Variants in PODXL2 observed in about 807,000 individuals in gnomAD.
PODXL2 encodes the protein podocalyxin-like protein 2.
Under a neutral mutation model 53.4 loss-of-function variants are expected in PODXL2, and 17 were observed. That is an observed-to-expected ratio of 0.32 (90% CI 0.22 to 0.48). The LOEUF (loss-of-function observed/expected upper bound fraction) is 0.48. Among genes scored for constraint, PODXL2 ranks in the 20% least tolerant of loss-of-function variants. The pLI is 0.99. For missense variants in PODXL2, 673 were observed against 760.0 expected, an observed-to-expected ratio of 0.89 and a Z score of 1.35; for synonymous variants, 311 against 306.7, an observed-to-expected ratio of 1.01 and a Z score of -0.15.
intron 2 of PODXL2, among the ~76,000 whole-genome samples, chr3:127,659,839 G>T (rs1318311375): frequency 6.6e-6 from 1 of 152,082 alleles, no homozygotes; most frequent in Non-Finnish European, 1.5e-5. Context: ...TTCATTTCCT[G>T]TCAGGGCCTA....
At chr3:127,630,398 T>G (rs370607134) in intron 1 of PODXL2, among the ~76,000 whole-genome samples, 1 of 152,174 alleles carries the variant, frequency 6.6e-6, no homozygotes, top group Non-Finnish European at 1.5e-5. Flanking sequence ...CAAAATAGCG[T>G]CCTAGTATGA....
chr3:127,656,222 A>T (rs894518552), intron 2 of PODXL2, among the ~76,000 whole-genome samples: 2 of 152,252 alleles, frequency 1.3e-5, no homozygotes, highest in Non-Finnish European at 2.9e-5. Flanking sequence ...TCAGAACTAT[A>T]TCCAAAGCTT....
At chr3:127,640,908 T>C (rs1431666639) in intron 2 of PODXL2, among the ~76,000 whole-genome samples, 1 of 152,144 alleles carries the variant, frequency 6.6e-6, no homozygotes, top group Non-Finnish European at 1.5e-5. Context: ...TTTTTAAACA[T>C]GTTATTATTT....
intron 2 of PODXL2, among the ~76,000 whole-genome samples, chr3:127,644,120 T>G (rs1273278791): frequency 6.6e-6 from 1 of 152,140 alleles, no homozygotes; most frequent in Non-Finnish European, 1.5e-5. Flanking sequence ...TTTGTTGCTG[T>G]TGTTGTTTTG....
intron 1 of PODXL2, among the ~76,000 whole-genome samples, chr3:127,637,449 G>C (rs1487809588): frequency 6.6e-6 from 1 of 152,152 alleles, no homozygotes; most frequent in Admixed American, 6.5e-5. Flanking sequence ...TTGTAGAATA[G>C]TTTGGTTTGT....
chr3:127,666,538 G>A (rs2074795833), intron 4 of PODXL2, among the ~76,000 whole-genome samples: 1 of 152,162 alleles, frequency 6.6e-6, no homozygotes, highest in African/African-American at 2.4e-5. Context: ...CTCCCAAGGA[G>A]CTGGGACCAC....
chr3:127,642,224 A>C (rs1402357211), intron 2 of PODXL2, among the ~76,000 whole-genome samples: 7 of 146,282 alleles, frequency 4.8e-5, no homozygotes, highest in Non-Finnish European at 8.9e-5. Flanking sequence ...TGGGAGGTGG[A>C]GGTTGCAGTG....
intron 1 of PODXL2, among the ~76,000 whole-genome samples, chr3:127,635,915 T>C (rs1305620264): frequency 6.6e-6 from 1 of 152,220 alleles, no homozygotes; most frequent in Admixed American, 6.5e-5. Context: ...CTTGTCTGGC[T>C]CTCTCACTTT....
chr3:127,640,591 C>T (rs898983580), intron 2 of PODXL2, among the ~76,000 whole-genome samples: 13 of 152,044 alleles, frequency 8.6e-5, no homozygotes, highest in African/African-American at 3.1e-4. Context: ...ATCCCATCTA[C>T]TCAGGAGGCT....
intron 4 of PODXL2, among the ~76,000 whole-genome samples, chr3:127,665,611 C>G (rs1207922073): frequency 6.6e-6 from 1 of 152,202 alleles, no homozygotes; most frequent in Non-Finnish European, 1.5e-5. Flanking sequence ...ATGCAAGGAT[C>G]TGATCCTTTG....
chr3:127,670,124 CTG>C (rs2074823056), intron 6 of PODXL2, among the ~76,000 whole-genome samples: 2 of 152,174 alleles, frequency 1.3e-5, no homozygotes, highest in South Asian at 2.1e-4. Context: ...GAGCACCACA[CTG>C]TGCAAGGCTC....
At chr3:127,644,668 A>C (rs1301533157) in intron 2 of PODXL2, among the ~76,000 whole-genome samples, 1 of 152,120 alleles carries the variant, frequency 6.6e-6, no homozygotes, top group African/African-American at 2.4e-5. Context: ...CCTAGGTCTC[A>C]TAAGAATAAA....
At chr3:127,663,786 C>CA (rs2074780810) in intron 4 of PODXL2, among the ~76,000 whole-genome samples, 4 of 152,200 alleles carry the variant, frequency 2.6e-5, no homozygotes, top group Admixed American at 6.5e-5. Context: ...GGAAATGGTA[C>CA]ATGAAGACCA....
At chr3:127,646,677 C>T (rs570902882) in intron 2 of PODXL2, among the ~76,000 whole-genome samples, 22 of 152,202 alleles carry the variant, frequency 1.4e-4, no homozygotes, top group Non-Finnish European at 2.6e-4. Flanking sequence ...TGAGCCACCA[C>T]GCCTGGCTCC....
At position 127,661,637 on chromosome 3, in the gene PODXL2, A is replaced by G. The variant is rs190369920; in HGVS notation, c.1131+478A>G. On this transcript the variant is annotated intron_variant, in intron 3 of 7. Transcript: ENST00000342480. ...TTTTTAGTGGAGACAGGGTTTCACC[A>G]TGTTGGCCAGGCTGGTCGGGAACTC... Among the ~76,000 whole-genome samples, 731 of 152,112 alleles carry G rather than the reference A, an allele frequency of 4.8e-3. 6 individuals carry two copies. Among genetic ancestry groups the G allele is most frequent in the Middle Eastern group, 0.02 (6 of 294 alleles).
At chr3:127,654,999 G>C (rs2074712994) in intron 2 of PODXL2, among the ~76,000 whole-genome samples, 1 of 152,144 alleles carries the variant, frequency 6.6e-6, no homozygotes, top group African/African-American at 2.4e-5. Flanking sequence ...CTGGAGTGCA[G>C]TGGTGCAATC....
At chr3:127,670,169 T>C (rs1355843006) in intron 6 of PODXL2, among the ~76,000 whole-genome samples, 1 of 151,890 alleles carries the variant, frequency 6.6e-6, no homozygotes, top group Non-Finnish European at 1.5e-5. Flanking sequence ...CCCCATGGGG[T>C]TGTGAGGGTT....
At chr3:127,640,192 G>A (rs185382359) in intron 2 of PODXL2, among the ~76,000 whole-genome samples, 171 of 152,324 alleles carry the variant, frequency 1.1e-3, no homozygotes, top group Non-Finnish European at 2.0e-3. Context: ...TGCAGGCATG[G>A]CCCCTCCACC....
intron 2 of PODXL2, among the ~76,000 whole-genome samples, chr3:127,650,952 C>T (rs1215408558): frequency 6.6e-6 from 1 of 152,152 alleles, no homozygotes; most frequent in African/African-American, 2.4e-5. Flanking sequence ...AGCCACCGCG[C>T]CCAGCTGTAA....
Sources: allele counts gnomAD v4.1 joint callset (sites outside exome capture counted in the v4.1 genomes callset), GRCh38; gene constraint gnomAD v4.1.1; transcripts MANE v1.5; gene names NCBI Gene and HGNC (gene_info 2026-07-23, HGNC 2026-07-21).